The following ITPRID1 variants were observed in gnomAD, a reference collection of about 807,000 sequenced individuals.
The protein encoded by ITPRID1 is ITPR interacting domain containing 1, also known as protein ITPRID1.
In ITPRID1, 96 loss-of-function variants were observed where a neutral mutation model predicts 95.4. That is an observed-to-expected ratio of 1.01 (90% CI 0.85 to 1.19). The LOEUF (loss-of-function observed/expected upper bound fraction) is 1.19. Ranked by LOEUF, ITPRID1 falls within the 50% of genes most tolerant of loss-of-function variation. The probability of loss-of-function intolerance (pLI) is 0.00; values close to 1 mark genes in which losing one functional copy is unlikely to be tolerated. For missense variants in ITPRID1, 1,339 were observed against 1,252.9 expected, an observed-to-expected ratio of 1.07 and a Z score of -1.04; for synonymous variants, 510 against 453.6, an observed-to-expected ratio of 1.12 and a Z score of -1.58.
chr7:31,607,026 C>G (rs1438323832), intron 10 of ITPRID1, among the ~76,000 whole-genome samples: 1 of 151,954 alleles, frequency 6.6e-6, no homozygotes, highest in Non-Finnish European at 1.5e-5. Context: ...TTCTCTTTGC[C>G]TTTTTCTTGA....
chr7:31,605,071 G>A (rs934589436), intron 10 of ITPRID1, among the ~76,000 whole-genome samples: 2 of 151,976 alleles, frequency 1.3e-5, no homozygotes, highest in South Asian at 2.1e-4. Context: ...CTGGGAGGTG[G>A]AGGTTGCAGT....
intron 9 of ITPRID1, among the ~76,000 whole-genome samples, chr7:31,579,617 G>C (rs1785322184): frequency 6.6e-6 from 1 of 152,180 alleles, no homozygotes; most frequent in African/African-American, 2.4e-5. Flanking sequence ...AGAGGATAAA[G>C]AAATTCATAG....
intron 5 of ITPRID1, among the ~76,000 whole-genome samples, chr7:31,556,057 GC>G (rs1784435256): frequency 6.6e-6 from 1 of 152,058 alleles, no homozygotes; most frequent in African/African-American, 2.4e-5. Flanking sequence ...GTTTTCTCTT[GC>G]CCCGGTTGTG....
intron 10 of ITPRID1, among the ~76,000 whole-genome samples, chr7:31,602,553 T>C (rs1489097814): frequency 6.6e-6 from 1 of 152,216 alleles, no homozygotes; most frequent in Admixed American, 6.5e-5. Context: ...GCTGCATTAG[T>C]TCCCAGTAGG....
intron 1 of ITPRID1, among the ~76,000 whole-genome samples, chr7:31,523,067 G>C (rs1783317407): frequency 6.6e-6 from 1 of 152,196 alleles, no homozygotes; most frequent in African/African-American, 2.4e-5. Context: ...TTTTAAATGA[G>C]ATGATGTTTG....
intron 2 of ITPRID1, among the ~76,000 whole-genome samples, chr7:31,552,358 C>CA: frequency 2.0e-5 from 2 of 102,472 alleles, no homozygotes; most frequent in Non-Finnish European, 4.9e-5. Context: ...CTTCAATTTA[C>CA]CATAAAATTG....
chr7:31,634,046 C>T (rs969488027), intron 10 of ITPRID1, among the ~76,000 whole-genome samples: 1 of 152,168 alleles, frequency 6.6e-6, no homozygotes, highest in African/African-American at 2.4e-5. Context: ...TTAGCCATTC[C>T]AAAGGTCCTT....
chr7:31,588,185 A>T (rs1339143406), intron 10 of ITPRID1, among the ~76,000 whole-genome samples: 1 of 152,194 alleles, frequency 6.6e-6, no homozygotes, highest in African/African-American at 2.4e-5. Context: ...TCCTACATAA[A>T]GGTACTGAAG....
intron 10 of ITPRID1, among the ~76,000 whole-genome samples, chr7:31,634,320 G>C (rs1045219611): frequency 4.6e-5 from 7 of 152,134 alleles, no homozygotes; most frequent in African/African-American, 1.7e-4. Flanking sequence ...TACGAAGATT[G>C]AGTTATAACA....
intron 10 of ITPRID1, among the ~76,000 whole-genome samples, chr7:31,641,060 C>T (rs193181698): frequency 7.2e-5 from 11 of 152,250 alleles, no homozygotes; most frequent in Non-Finnish European, 1.5e-4. Context: ...TCTCCACTTG[C>T]TGTCTTTGCT....
chr7:31,655,649 C>A lies in ITPRID1; in HGVS notation c.*2820C>A. 1 of 738,236 alleles carries A rather than the reference C, an allele frequency of 1.4e-6. No homozygotes were observed. The highest frequency in any genetic ancestry group is 1.7e-6 in the Non-Finnish European group (1 of 604,002). 45.7% of individuals were successfully genotyped at this position (738,236 alleles called of 1,614,324 possible). On this transcript the variant is annotated 3_prime_UTR_variant, in exon 15 of 15. Coordinates refer to ENST00000615280, the MANE Select transcript of ITPRID1 (RefSeq NM_001257967.3). ...TCTCGTCGCCTCCCACTGCATCATC[C>A]CTTTTTGCCACATCCCCATCTTGGC...
At chr7:31,540,750 G>A (rs549447335) in intron 1 of ITPRID1, among the ~76,000 whole-genome samples, 65 of 152,200 alleles carry the variant, frequency 4.3e-4, no homozygotes, top group Non-Finnish European at 8.2e-4. Flanking sequence ...ATACCTATAA[G>A]TTGGGTGAAT....
In ITPRID1 at chr7:31,562,301, T is replaced by C. The variant is rs576682321; in HGVS notation, c.256+7400T>C. 9.2e-5 allele frequency among the ~76,000 whole-genome samples: 14 copies of C among 152,258 alleles called. No individual in the cohort carries two copies. The East Asian group carries it at 2.3e-3, about 25-fold the overall frequency. ...GTTTAACAACACATCCAAGCATAACTGTGAGTGAAAAGACTAGAAGTAACT... is the reference window on the plus strand; with the variant it reads ...GTTTAACAACACATCCAAGCATAACCGTGAGTGAAAAGACTAGAAGTAACT... On this transcript the variant is annotated intron_variant, in intron 5 of 14. Transcript: ENST00000615280.
Position 31,643,677 on chromosome 7 carries a change from C to T in ITPRID1, c.2307C>T (p.Asn769=). 3 of 1,614,062 alleles carry T rather than the reference C, an allele frequency of 1.9e-6. No homozygotes were observed. Among genetic ancestry groups the T allele is most frequent in the Non-Finnish European group, 2.5e-6 (3 of 1,179,914 alleles). ...DASIQTSALS[N]KTLTHGPQPL... The stretch of plus-strand genomic sequence containing the variant: ...CCATTCAGACTTCAGCTCTAAGCAA[C>T]AAGACCTTGACACATGGGCCCCAGC... The change falls in exon 12 of 15, where the codon AAC becomes AAT. Residue 769 remains asparagine (N), a synonymous_variant. Coordinates refer to ENST00000615280, the MANE Select transcript of ITPRID1 (RefSeq NM_001257967.3).
intron 1 of ITPRID1, among the ~76,000 whole-genome samples, chr7:31,531,440 T>C (rs1477850257): frequency 6.6e-6 from 1 of 152,192 alleles, no homozygotes; most frequent in Admixed American, 6.5e-5. Flanking sequence ...ATTTTCGTTG[T>C]TATCGTTTCT....
chr7:31,565,712 T>A (rs2128141325), intron 5 of ITPRID1, among the ~76,000 whole-genome samples: 1 of 151,526 alleles, frequency 6.6e-6, no homozygotes, highest in South Asian at 2.1e-4. Context: ...CACTCCAGCC[T>A]GGGTGACAGA....
intron 1 of ITPRID1, among the ~76,000 whole-genome samples, chr7:31,519,620 C>CTATATA (rs750544823): frequency 0.013 from 316 of 25,210 alleles, 27 homozygotes; most frequent in Middle Eastern, 0.023. Flanking sequence ...CTCTCTCTCT[C>CTATATA]TATATATATA....
intron 10 of ITPRID1, among the ~76,000 whole-genome samples, chr7:31,589,502 G>T (rs1054837797): frequency 6.6e-6 from 1 of 152,042 alleles, no homozygotes; most frequent in Middle Eastern, 3.2e-3. Flanking sequence ...CTCTAAGTGG[G>T]ATAATTACAA....
At chr7:31,652,178 A>G in intron 14 of ITPRID1, 128 bp downstream of exon 14, 1 of 775,714 alleles carries the variant, frequency 1.3e-6, no homozygotes, top group East Asian at 2.7e-5. Context: ...CATTTTAAGT[A>G]TACAGAGAAG....
Sources: gnomAD v4.1 joint callset for allele counts (sites outside exome capture counted in the v4.1 genomes callset) on GRCh38, gnomAD v4.1.1 for gene constraint, MANE v1.5 for transcripts, NCBI Gene and HGNC (gene_info 2026-07-23, HGNC 2026-07-21) for gene names.